Variants in WDFY3 observed in about 807,000 individuals in gnomAD.
WDFY3 encodes WD repeat and FYVE domain-containing protein 3.
A neutral mutation model predicts 409.6 loss-of-function variants in WDFY3; 66 were observed. That is an observed-to-expected ratio of 0.16 (90% CI 0.13 to 0.20). WDFY3 has a LOEUF of 0.20. WDFY3 is among the 10% of genes least tolerant of loss of function. The pLI, the probability that WDFY3 is intolerant of heterozygous loss-of-function variation, is 1.00. For missense variants in WDFY3, 3,031 were observed against 4,298.1 expected (o/e 0.71, Z 8.24); for synonymous variants, 1,521 against 1,537.1 (o/e 0.99, Z 0.25).
intron 10 of WDFY3, among the ~76,000 whole-genome samples, chr4:84,823,760 A>T (rs1754429898): frequency 6.6e-6 from 1 of 152,198 alleles, no homozygotes; most frequent in Non-Finnish European, 1.5e-5. Context: ...TAAAATTAAA[A>T]GGACTAACAA....
At chr4:84,929,204 T>G (rs534037633) in intron 2 of WDFY3, among the ~76,000 whole-genome samples, 3 of 152,244 alleles carry the variant, frequency 2.0e-5, no homozygotes, top group Admixed American at 1.3e-4. Flanking sequence ...ACTAAGGAAC[T>G]GGGTCCCTTA....
chr4:84,948,678 C>A (rs1256551623), intron 1 of WDFY3, among the ~76,000 whole-genome samples: 2 of 152,138 alleles, frequency 1.3e-5, no homozygotes, highest in Non-Finnish European at 2.9e-5. Context: ...CTGTTCTACT[C>A]CTTCCCCTTC....
chr4:84,766,036 G>A lies in WDFY3; in HGVS notation c.4971-9C>T. ...CCAGTTCTTCACAAGCTCTATTCAAGACAGATGGATTTAAAAAACAAAAAA... is the reference window on the plus strand; with the variant it reads ...CCAGTTCTTCACAAGCTCTATTCAAAACAGATGGATTTAAAAAACAAAAAA... On this transcript the variant is annotated splice_polypyrimidine_tract_variant and intron_variant, in intron 31 of 67. Coordinates refer to ENST00000295888, the MANE Select transcript of WDFY3 (RefSeq NM_014991.6). The A allele has an allele frequency of 6.3e-7, 1 of 1,596,742 alleles. No homozygotes were observed. The highest frequency in any genetic ancestry group is 8.5e-7 in the Non-Finnish European group (1 of 1,173,720).
intron 19 of WDFY3, 53 bp downstream of exon 19, chr4:84,796,468 G>C: frequency 8.7e-7 from 1 of 1,154,832 alleles, no homozygotes; most frequent in Non-Finnish European, 1.2e-6. Flanking sequence ...TATTTGTAAA[G>C]GCAAGTATGA....
In WDFY3 at chr4:84,744,386, C is replaced by T. The variant is rs116753040; in HGVS notation, c.5974-587G>A. On this transcript the variant is annotated intron_variant, in intron 36 of 67. Coordinates refer to ENST00000295888, the MANE Select transcript of WDFY3 (RefSeq NM_014991.6). ...ACAAAAAACTAAGCACACAATTTAG[C>T]TCTGAGCTTCATAGATGTCAAGAAA... Among the ~76,000 whole-genome samples the T allele has an allele frequency of 4.7e-3, 719 of 151,968 alleles. 4 individuals carry two copies. The highest frequency in any genetic ancestry group is 0.016 in the African/African-American group (654 of 41,462).
At chr4:84,800,329 T>C (rs149222068) in intron 17 of WDFY3, among the ~76,000 whole-genome samples, 1 of 152,298 alleles carries the variant, frequency 6.6e-6, no homozygotes, top group Admixed American at 6.5e-5. Context: ...ACAGCAGTGT[T>C]ATAGAGTTTA....
intron 66 of WDFY3, among the ~76,000 whole-genome samples, chr4:84,677,833 C>G (rs1327945682): frequency 6.6e-6 from 1 of 151,400 alleles, no homozygotes; most frequent in Non-Finnish European, 1.5e-5. Context: ...TGTGATGGTG[C>G]ACGCCTATAG....
intron 22 of WDFY3, among the ~76,000 whole-genome samples, chr4:84,788,610 A>C (rs372964426): frequency 3.7e-4 from 56 of 152,314 alleles, no homozygotes; most frequent in Middle Eastern, 6.8e-3. Context: ...ATTGAAACAC[A>C]ATGTCACAAT....
At chr4:84,701,750 C>A (rs1317752548) in intron 56 of WDFY3, among the ~76,000 whole-genome samples, 1 of 152,136 alleles carries the variant, frequency 6.6e-6, no homozygotes, top group Non-Finnish European at 1.5e-5. Flanking sequence ...TGATTTGGTC[C>A]TGTTTTTCTA....
At chr4:84,867,377 G>A (rs550202733) in intron 3 of WDFY3, among the ~76,000 whole-genome samples, 50 of 152,244 alleles carry the variant, frequency 3.3e-4, no homozygotes, top group Non-Finnish European at 2.9e-5. Flanking sequence ...TGCAAAATAA[G>A]AACAAACCAC....
At chr4:84,702,867 C>A (rs938246068) in intron 55 of WDFY3, among the ~76,000 whole-genome samples, 1 of 152,112 alleles carries the variant, frequency 6.6e-6, no homozygotes, top group Non-Finnish European at 1.5e-5. Context: ...GAGGCCGAGG[C>A]GGGCGGATCA....
At chr4:84,954,223 A>C (rs1773965906) in intron 1 of WDFY3, among the ~76,000 whole-genome samples, 1 of 152,216 alleles carries the variant, frequency 6.6e-6, no homozygotes, top group South Asian at 2.1e-4. Flanking sequence ...TCAGGTAGCA[A>C]GTTTAATCCC....
chr4:84,703,873 G>A (rs911410376), intron 55 of WDFY3, among the ~76,000 whole-genome samples: 7 of 152,052 alleles, frequency 4.6e-5, no homozygotes, highest in Non-Finnish European at 8.8e-5. Context: ...TCCTTCAACT[G>A]AATTACATAA....
intron 1 of WDFY3, among the ~76,000 whole-genome samples, chr4:84,934,204 T>G (rs1771125275): frequency 6.6e-6 from 1 of 152,130 alleles, no homozygotes; most frequent in Non-Finnish European, 1.5e-5. Flanking sequence ...GTCTTTTGCA[T>G]AAAAGCCATT....
Position 84,692,872 on chromosome 4 carries a change from C to CTCATTATT in WDFY3, c.9049+5_9049+12dup. 1.3e-6 allele frequency: 2 copies of CTCATTATT among 1,580,416 alleles called. No individual in the cohort carries two copies. The highest frequency in any genetic ancestry group is 2.7e-5 in the African/African-American group (2 of 72,806). On this transcript the variant is annotated intron_variant, in intron 59 of 67. Coordinates refer to ENST00000295888, the MANE Select transcript of WDFY3 (RefSeq NM_014991.6). Reference sequence around the variant, plus strand: ...TAAATCATTAATCAAAAGTTTATTTCTCATTATTTTACCTTTTACAGGTGT... The same window carrying CTCATTATT: ...TAAATCATTAATCAAAAGTTTATTTCTCATTATTTCATTATTTTACCTTTTACAGGTGT...
chr4:84,937,117 T>C (rs1771522036), intron 1 of WDFY3, among the ~76,000 whole-genome samples: 1 of 152,180 alleles, frequency 6.6e-6, no homozygotes, highest in African/African-American at 2.4e-5. Flanking sequence ...TCTACAATTA[T>C]ACTTCCATTC....
chr4:84,796,785 C>T (rs748332730), intron 18 of WDFY3, 33 bp from the exon 19 acceptor site: 2 of 1,532,724 alleles, frequency 1.3e-6, no homozygotes, highest in Admixed American at 1.8e-5. Flanking sequence ...GGGAAAATGT[C>T]ATATGGAATT....
At chr4:84,695,311 G>A (rs561714444) in intron 58 of WDFY3, among the ~76,000 whole-genome samples, 2 of 152,190 alleles carry the variant, frequency 1.3e-5, no homozygotes, top group African/African-American at 4.8e-5. Context: ...GCGTGTCCTA[G>A]GCACTCCTAT....
intron 3 of WDFY3, among the ~76,000 whole-genome samples, chr4:84,865,177 C>T (rs144254995): frequency 6.6e-6 from 1 of 152,280 alleles, no homozygotes; most frequent in East Asian, 1.9e-4. Context: ...GTATGAGCCA[C>T]CGCACCTGGC....
Sources: allele counts gnomAD v4.1 joint callset (sites outside exome capture counted in the v4.1 genomes callset), GRCh38; gene constraint gnomAD v4.1.1; transcripts MANE v1.5; gene names NCBI Gene and HGNC (gene_info 2026-07-23, HGNC 2026-07-21).